BCKDHB: variants seen among roughly 807,000 people sequenced by gnomAD.
BCKDHB encodes 2-oxoisovalerate dehydrogenase subunit beta, mitochondrial.
Under a neutral mutation model 48.5 loss-of-function variants are expected in BCKDHB, and 41 were observed. The ratio of observed to expected loss-of-function variants is 0.85; its 90% CI spans 0.66 to 1.10. The LOEUF (loss-of-function observed/expected upper bound fraction) is 1.10, where lower values mean the gene tolerates loss of function less well. BCKDHB is among the 50% of genes least tolerant of loss of function. The probability of loss-of-function intolerance (pLI) is 0.00; values close to 1 mark genes in which losing one functional copy is unlikely to be tolerated. For missense variants in BCKDHB, 496 were observed against 494.2 expected (o/e 1.00, Z -0.03); for synonymous variants, 201 against 174.8 (o/e 1.15, Z -1.18).
At chr6:80,418,707 G>T in the BCKDHB span, among the ~76,000 whole-genome samples, 1 of 152,176 alleles carries the variant, frequency 6.6e-6, no homozygotes, top group Non-Finnish European at 1.5e-5. Context: ...ACTACACTGT[G>T]ATAGGTGGTG....
At chr6:80,368,713 A>T in the BCKDHB span, among the ~76,000 whole-genome samples, 1 of 56,138 alleles carries the variant, frequency 1.8e-5, no homozygotes, top group Admixed American at 1.6e-4. Context: ...ACATGAACTT[A>T]AAAAAAAAAA....
In BCKDHB at chr6:80,211,982, A is replaced by C. The variant is rs141376536; in HGVS notation, c.951+8770A>C. ...CAAAAGGCAAAAAGCAGAACTACTA[A>C]TAAGGGTCTAACAAAGAGCACATGC... On this transcript the variant is annotated intron_variant, in intron 8 of 9. Coordinates refer to ENST00000320393, the MANE Select transcript of BCKDHB (RefSeq NM_183050.4). 7.2e-3 allele frequency among the ~76,000 whole-genome samples: 1,095 copies of C among 152,254 alleles called. 10 individuals carry two copies. Among genetic ancestry groups the C allele is most frequent in the African/African-American group, 0.025 (1,034 of 41,556 alleles).
chr6:80,139,092 A>T (rs1446704239), intron 3 of BCKDHB, among the ~76,000 whole-genome samples: 1 of 152,158 alleles, frequency 6.6e-6, no homozygotes, highest in Non-Finnish European at 1.5e-5. Flanking sequence ...TTGGCTGCAT[A>T]AATGTCTTCT....
chr6:80,171,419 G>T, intron 6 of BCKDHB, 29 bp downstream of exon 6: 1 of 1,363,092 alleles, frequency 7.3e-7, no homozygotes, highest in South Asian at 1.2e-5. Context: ...TTATATTTGT[G>T]AATATCTTTA....
intron 3 of BCKDHB, among the ~76,000 whole-genome samples, chr6:80,154,878 A>G (rs1771964005): frequency 6.6e-6 from 1 of 152,070 alleles, no homozygotes. Flanking sequence ...CATTTCTTTA[A>G]TAAGTGGATT....
chr6:80,176,916 A>G (rs1221497219), intron 6 of BCKDHB, among the ~76,000 whole-genome samples: 2 of 152,166 alleles, frequency 1.3e-5, no homozygotes, highest in African/African-American at 4.8e-5. Flanking sequence ...AAATATTAAA[A>G]CTATTTTATA....
At chr6:80,119,279 G>A (rs1769878213) in intron 1 of BCKDHB, among the ~76,000 whole-genome samples, 1 of 152,072 alleles carries the variant, frequency 6.6e-6, no homozygotes, top group South Asian at 2.1e-4. Context: ...ATCCATGAGG[G>A]TTGAAATCAA....
At chr6:80,392,862 CTTTTTTTT>C in the BCKDHB span, among the ~76,000 whole-genome samples, 2 of 102,080 alleles carry the variant, frequency 2.0e-5, no homozygotes, top group African/African-American at 3.2e-5. Context: ...ACCTTTTTAA[CTTTTTTTT>C]TTTTTTTTTT....
At chr6:80,140,040 CTAAG>C (rs1036789998) in intron 3 of BCKDHB, among the ~76,000 whole-genome samples, 34 of 152,168 alleles carry the variant, frequency 2.2e-4, no homozygotes, top group African/African-American at 5.5e-4. Flanking sequence ...AGGTGGATTC[CTAAG>C]TATTTTATTC....
chr6:80,413,752 A>G, the BCKDHB span, among the ~76,000 whole-genome samples: 2 of 152,220 alleles, frequency 1.3e-5, no homozygotes, highest in African/African-American at 4.8e-5. Flanking sequence ...TGGTGCTGCA[A>G]TAAACATATT....
chr6:80,271,913 A>C (rs1446625070), intron 8 of BCKDHB, among the ~76,000 whole-genome samples: 1 of 151,736 alleles, frequency 6.6e-6, no homozygotes, highest in African/African-American at 2.4e-5. Context: ...TTGAAAATAC[A>C]TATGTTGTTT....
At chr6:80,153,985 G>C (rs1248468627) in intron 3 of BCKDHB, among the ~76,000 whole-genome samples, 2 of 152,186 alleles carry the variant, frequency 1.3e-5, no homozygotes, top group East Asian at 3.9e-4. Flanking sequence ...TTCTTGGTTT[G>C]CTTCCCAACT....
the BCKDHB span, among the ~76,000 whole-genome samples, chr6:80,421,244 G>A: frequency 2.0e-5 from 3 of 152,048 alleles, no homozygotes; most frequent in South Asian, 4.2e-4. Context: ...TTGTGAAAAA[G>A]GGGCCTACTT....
intron 8 of BCKDHB, among the ~76,000 whole-genome samples, chr6:80,256,606 A>T (rs1029390369): frequency 6.6e-6 from 1 of 152,180 alleles, no homozygotes; most frequent in African/African-American, 2.4e-5. Flanking sequence ...TCATAAAATC[A>T]TCCATTTTTA....
intron 8 of BCKDHB, among the ~76,000 whole-genome samples, chr6:80,270,340 G>T (rs9352806): frequency 0.43 from 65,300 of 151,890 alleles, 14,478 homozygotes; most frequent in Admixed American, 0.58. Context: ...TGAATCATAA[G>T]TGCTTTCCAA....
At chr6:80,302,780 T>C (rs1443054180) in intron 9 of BCKDHB, among the ~76,000 whole-genome samples, 1 of 152,158 alleles carries the variant, frequency 6.6e-6, no homozygotes, top group Non-Finnish European at 1.5e-5. Context: ...CATTACACTG[T>C]TAAAGGAAAA....
intron 9 of BCKDHB, among the ~76,000 whole-genome samples, chr6:80,279,339 G>A (rs940699165): frequency 6.6e-6 from 1 of 151,766 alleles, no homozygotes; most frequent in South Asian, 2.1e-4. Flanking sequence ...ATTTCTAGTA[G>A]AGACAGGGGT....
rs528278712 is a variant in BCKDHB, at chr6:80,176,588, C to G, written c.742+5198C>G. ...GCAAAGGTGGCAGGATGGAAACTTA[C>G]CTGTCTTGCTCTATCCTCTTGGAGA... On this transcript the variant is annotated intron_variant, in intron 6 of 9. Coordinates refer to ENST00000320393, the MANE Select transcript of BCKDHB (RefSeq NM_183050.4). Among the ~76,000 whole-genome samples the G allele has an allele frequency of 2.0e-5, 3 of 152,106 alleles. No individual in the cohort carries two copies. The East Asian group carries it at 5.8e-4, about 29-fold the overall frequency.
At chr6:80,117,906 T>C (rs573656181) in intron 1 of BCKDHB, among the ~76,000 whole-genome samples, 5 of 152,256 alleles carry the variant, frequency 3.3e-5, no homozygotes, top group Middle Eastern at 3.4e-3. Flanking sequence ...GTGTGTGTCT[T>C]TAATTCCTCT....
Sources: allele counts gnomAD v4.1 joint callset (sites outside exome capture counted in the v4.1 genomes callset), GRCh38; gene constraint gnomAD v4.1.1; transcripts MANE v1.5; gene names NCBI Gene and HGNC (gene_info 2026-07-23, HGNC 2026-07-21).